The following PXN variants were observed in gnomAD, a reference collection of about 807,000 sequenced individuals.
The protein encoded by PXN is testicular tissue protein Li 134.
PXN carries 61 observed loss-of-function variants against 103.6 expected under a neutral mutation model. The ratio of observed to expected loss-of-function variants is 0.59; its 90% CI spans 0.48 to 0.73. The LOEUF (loss-of-function observed/expected upper bound fraction) is 0.73. PXN is among the 30% of genes least tolerant of loss of function. The pLI is 0.00. For synonymous variants in PXN, 562 were observed against 607.8 expected (o/e 0.92, Z 1.11); for missense variants, 1,274 against 1,460.3 (o/e 0.87, Z 2.08).
At position 120,265,503 on chromosome 12, in the gene PXN, G is replaced by A. The variant is rs1461656837; in HGVS notation, c.13+114C>T. 1 of 1,250,196 alleles carries A rather than the reference G, an allele frequency of 8.0e-7. No individual in the cohort carries two copies. The highest frequency in any genetic ancestry group is 3.8e-5 in the Admixed American group (1 of 26,628). The allele number at this position is 1,250,196 out of a possible 1,614,324, so 77.4% of individuals were successfully genotyped here. ...GCCCCGGCCGGCAGGGACAGGAGCTGAGGCCGGGGCCGCCGAGGGTGGGAT... is the reference window on the plus strand; with the variant it reads ...GCCCCGGCCGGCAGGGACAGGAGCTAAGGCCGGGGCCGCCGAGGGTGGGAT... On this transcript the variant is annotated intron_variant, in intron 1 of 14. Transcript: ENST00000637617. The surrounding 1 kb of genome is among the most constrained non-coding windows in gnomAD (Gnocchi z 5.7).
At position 120,224,782 on chromosome 12, in the gene PXN, G is replaced by A; in HGVS notation, c.14-405C>T. On this transcript the variant is annotated intron_variant, in intron 1 of 14. Transcript: ENST00000637617. The surrounding 1 kb of genome is among the most constrained non-coding windows in gnomAD (Gnocchi z 5.0). ...GAGGGGCCCCACGTCACAGGGAGGG[G>A]CCCTGGCTATGCCAGGCCCTCACTT... 1 of 471,974 alleles carries A rather than the reference G, an allele frequency of 2.1e-6. No homozygotes were observed. Among genetic ancestry groups the A allele is most frequent in the South Asian group, 1.5e-5 (1 of 64,684 alleles). The allele number at this position is 471,974 out of a possible 1,614,324, so 29.2% of individuals were successfully genotyped here.
At position 120,215,532 on chromosome 12, in the gene PXN, G is replaced by A. The variant is rs779997531; in HGVS notation, c.2403+28C>T. 6.4e-7 allele frequency: 1 copy of A among 1,553,892 alleles called. No individual in the cohort carries two copies. The highest frequency in any genetic ancestry group is 2.0e-5 in the Admixed American group (1 of 51,118). On this transcript the variant is annotated intron_variant, in intron 10 of 14. Transcript: ENST00000637617. The surrounding 1 kb of genome is among the most constrained non-coding windows in gnomAD (Gnocchi z 4.9). ...AAGCCCAGGGAGAGCACGACACGCA[G>A]GACACCCAGCCCAGCCTTGGCACTG...
Position 120,219,480 on chromosome 12 carries a change from G to A in PXN, c.1443C>T (p.Leu481=), listed in dbSNP as rs750086904. 9 of 1,598,056 alleles carry A rather than the reference G, an allele frequency of 5.6e-6. No individual in the cohort carries two copies. The highest frequency in any genetic ancestry group is 6.8e-6 in the Non-Finnish European group (8 of 1,179,684). ...CCTGCTGTAGGCCATGTTCCTCCGT[G>A]AGAGTCCAGGTATCTGGGAAGATGG... ...RQAIFPDTWT[L]TEEHGLQQER... is the part of the protein sequence containing the mutation. Residue 481 remains leucine, a synonymous_variant, in exon 7 of 15, where the codon CTC becomes CTT. Transcript: ENST00000637617. The surrounding 1 kb of genome is among the most constrained non-coding windows in gnomAD (Gnocchi z 6.5).
rs985668296 is a variant in PXN at position 120,229,484 on chromosome 12, C to T, written c.14-5107G>A. 6.6e-6 allele frequency among the ~76,000 whole-genome samples: 1 copy of T among 152,170 alleles called. No individual in the cohort carries two copies. The highest frequency in any genetic ancestry group is 1.5e-5 in the Non-Finnish European group (1 of 68,028). ...AGGACTTTCAGTGTTACAACTTGTA[C>T]GGTGAATCCTCAGTCACCTGGGCTC... On this transcript the variant is annotated intron_variant, in intron 1 of 14. Transcript: ENST00000637617. The surrounding 1 kb of genome is among the most constrained non-coding windows in gnomAD (Gnocchi z 4.0).
Position 120,216,234 on chromosome 12 carries a change from GAC to G in PXN, c.2301+37_2301+38del. On this transcript the variant is annotated intron_variant, in intron 9 of 14. Transcript: ENST00000637617. This position sits in a 1 kb window ranked among gnomAD's most constrained non-coding sequence, Gnocchi z 5.1. Reference sequence around the variant, plus strand: ...GAGTGGGGGATGGCTCAGGCATTAGGACAGGGGACAGAAAGGGAGGGGCTCCT... The same window carrying G: ...GAGTGGGGGATGGCTCAGGCATTAGGAGGGGACAGAAAGGGAGGGGCTCCT... 7.8e-7 allele frequency: 1 copy of G among 1,274,950 alleles called. No homozygotes were observed. The highest frequency in any genetic ancestry group is 9.9e-7 in the Non-Finnish European group (1 of 1,014,536). The allele number at this position is 1,274,950 out of a possible 1,614,324, so 79.0% of individuals were successfully genotyped here.
At position 120,221,802 on chromosome 12, in the gene PXN, C is replaced by CGCCCTGGTT; in HGVS notation, c.696-45_696-44insAACCAGGGC. ...ATCAGTGGGGAGCCCACAGTCAGCC[C>CGCCCTGGTT]CACACTTCCCGGGGATCAGATCGAC... On this transcript the variant is annotated intron_variant, in intron 5 of 14. Coordinates refer to ENST00000637617, the MANE Select transcript of PXN (RefSeq NM_001385981.1). This position sits in a 1 kb window ranked among gnomAD's most constrained non-coding sequence, Gnocchi z 6.6. 1 of 1,518,246 alleles carries CGCCCTGGTT rather than the reference C, an allele frequency of 6.6e-7. No individual in the cohort carries two copies. The highest frequency in any genetic ancestry group is 1.4e-5 in the African/African-American group (1 of 72,928). The allele number at this position is 1,518,246 out of a possible 1,614,324, so 94.0% of individuals were successfully genotyped here.
chr12:120,262,284 C>A (rs896191143), intron 1 of PXN, among the ~76,000 whole-genome samples: 1 of 152,184 alleles, frequency 6.6e-6, no homozygotes, highest in African/African-American at 2.4e-5. Flanking sequence ...GCTGGCTGTT[C>A]CCCCTGCTAG....
In PXN at chr12:120,217,077, C is replaced by T. The variant is rs753284164; in HGVS notation, c.1756G>A (p.Ala586Thr). The part of the protein sequence containing the change: ...VIRRSWESGH[A>T]HPMSREPSPR... ...GAGGGCTCCCGGGACATGGGGTGTG[C>T]GTGGCCAGACTCCCAGCTCCTCCTG... Residue 586 changes from alanine (A) to threonine (T), a missense_variant, in exon 8 of 15, where the codon GCA becomes ACA. Transcript: ENST00000637617. The surrounding 1 kb of genome is among the most constrained non-coding windows in gnomAD (Gnocchi z 4.1). 18 of 1,591,032 alleles carry T rather than the reference C, an allele frequency of 1.1e-5. No homozygotes were observed. The highest frequency in any genetic ancestry group is 1.6e-4 in the Middle Eastern group (1 of 6,064).
At chr12:120,247,311 T>C (rs1335343673) in intron 1 of PXN, 1 of 152,144 alleles carries the variant, frequency 6.6e-6, no homozygotes. Context: ...CAAACACTAA[T>C]ATCAAGGAAG....
At position 120,215,724 on chromosome 12, in the gene PXN, C is replaced by G; in HGVS notation, c.2302-63G>C. The stretch of plus-strand genomic sequence containing the variant: ...TTAAAAATTAAGAAAGAATACAAGA[C>G]CTTGTCACTGGACTAAAAGGGAATC... On this transcript the variant is annotated intron_variant, in intron 9 of 14. Transcript: ENST00000637617. The surrounding 1 kb of genome is among the most constrained non-coding windows in gnomAD (Gnocchi z 4.9). The G allele has an allele frequency of 2.0e-6, 3 of 1,493,886 alleles. No homozygotes were observed. 92.5% of individuals were successfully genotyped at this position (1,493,886 alleles called of 1,614,324 possible). A position where few individuals can be genotyped will look rare whatever the true frequency, so the allele number is the denominator to read the frequency against.
chr12:120,233,844 C>T (rs76382809), intron 1 of PXN, among the ~76,000 whole-genome samples: 2,203 of 152,238 alleles, frequency 0.014, 32 homozygotes, highest in Admixed American at 0.022. Flanking sequence ...TTTTTGCCAG[C>T]GTGCCTTTCT....
In PXN at chr12:120,231,435, G is replaced by A. The variant is rs184451239; in HGVS notation, c.14-7058C>T. Among the ~76,000 whole-genome samples, 36 of 152,288 alleles carry A rather than the reference G, an allele frequency of 2.4e-4. No homozygotes were observed. The East Asian group carries it at 3.3e-3, about 14-fold the overall frequency. The stretch of plus-strand genomic sequence containing the variant: ...AAGACTCAGCCACCAATTCTCCTCC[G>A]CTGACTCATGCCTCACTCAACAGGA... On this transcript the variant is annotated intron_variant, in intron 1 of 14. Coordinates refer to ENST00000637617, the MANE Select transcript of PXN (RefSeq NM_001385981.1).
At chr12:120,254,313 C>T (rs904097367) in intron 1 of PXN, among the ~76,000 whole-genome samples, 1 of 152,116 alleles carries the variant, frequency 6.6e-6, no homozygotes, top group African/African-American at 2.4e-5. Context: ...ACGAGATGCA[C>T]AAGTTTAGAA....
chr12:120,246,514 C>G (rs1231385985), intron 1 of PXN, among the ~76,000 whole-genome samples: 1 of 58,336 alleles, frequency 1.7e-5, no homozygotes, highest in Admixed American at 1.7e-4. Flanking sequence ...GACTCTGTCT[C>G]AAAAAAAAAA....
rs1594334665 is a variant in PXN at position 120,214,297 on chromosome 12, A to C, written c.2749-80T>G. 1 of 1,256,170 alleles carries C rather than the reference A, an allele frequency of 8.0e-7. No individual in the cohort carries two copies. 77.8% of individuals were successfully genotyped at this position (1,256,170 alleles called of 1,614,324 possible). ...AGACGCCCAGCAAGGCCGTCCTTCCACCCGCAGCTCATAGCCATAGACAGA... is the reference window on the plus strand; with the variant it reads ...AGACGCCCAGCAAGGCCGTCCTTCCCCCCGCAGCTCATAGCCATAGACAGA... On this transcript the variant is annotated intron_variant, in intron 12 of 14. Transcript: ENST00000637617. This position sits in a 1 kb window ranked among gnomAD's most constrained non-coding sequence, Gnocchi z 5.0.
At chr12:120,235,899 CTG>C (rs1456904194) in intron 1 of PXN, among the ~76,000 whole-genome samples, 7 of 152,236 alleles carry the variant, frequency 4.6e-5, no homozygotes, top group Non-Finnish European at 1.0e-4. Flanking sequence ...GAACCAACCT[CTG>C]ACCTCGCAGA....
At position 120,221,873 on chromosome 12, in the gene PXN, G is replaced by T; in HGVS notation, c.696-115C>A. On this transcript the variant is annotated intron_variant, in intron 5 of 14. Coordinates refer to ENST00000637617, the MANE Select transcript of PXN (RefSeq NM_001385981.1). This position sits in a 1 kb window ranked among gnomAD's most constrained non-coding sequence, Gnocchi z 6.6. Reference sequence around the variant, plus strand: ...GTCTCACCATCCCCAACCCCAGGGAGGTCCACCAGCTCCCTGTCTCTCCTG... The same window carrying T: ...GTCTCACCATCCCCAACCCCAGGGATGTCCACCAGCTCCCTGTCTCTCCTG... The T allele has an allele frequency of 1.4e-6, 2 of 1,404,902 alleles. No homozygotes were observed. The highest frequency in any genetic ancestry group is 1.4e-5 in the African/African-American group (1 of 69,870). 87.0% of individuals were successfully genotyped at this position (1,404,902 alleles called of 1,614,324 possible).
At chr12:120,232,546 A>C (rs1409926407) in intron 1 of PXN, among the ~76,000 whole-genome samples, 1 of 152,180 alleles carries the variant, frequency 6.6e-6, no homozygotes, top group East Asian at 1.9e-4. Context: ...ATTCACATAC[A>C]AAAAAGACAG....
Position 120,215,091 on chromosome 12 carries a change from C to T in PXN, c.2574+12G>A. 6.3e-7 allele frequency: 1 copy of T among 1,586,054 alleles called. No homozygotes were observed. The highest frequency in any genetic ancestry group is 1.2e-5 in the South Asian group (1 of 86,778). Reference sequence around the variant, plus strand: ...TCCACTGGCCACACCCCTGCCCACTCCCCCTCATCACCTGCCCGGCGATGG... The same window carrying T: ...TCCACTGGCCACACCCCTGCCCACTTCCCCTCATCACCTGCCCGGCGATGG... On this transcript the variant is annotated intron_variant, in intron 11 of 14. Transcript: ENST00000637617. The surrounding 1 kb of genome is among the most constrained non-coding windows in gnomAD (Gnocchi z 4.9).
Sources: gnomAD v4.1 joint callset for allele counts (sites outside exome capture counted in the v4.1 genomes callset) on GRCh38, gnomAD v4.1.1 for gene constraint, Gnocchi (gnomAD v3.1) non-coding constraint, MANE v1.5 for transcripts, NCBI Gene and HGNC (gene_info 2026-07-23, HGNC 2026-07-21) for gene names.